Variants in LDB3 observed in about 807,000 individuals in gnomAD.
LDB3 encodes the protein LIM domain-binding protein 3.
A neutral mutation model predicts 69.0 loss-of-function variants in LDB3; 49 were observed. The observed-to-expected ratio is 0.71, with a 90% CI of 0.56 to 0.90. LDB3 has a LOEUF of 0.90. Among genes scored for constraint, LDB3 ranks in the 40% least tolerant of loss-of-function variants. LDB3 has a pLI of 0.00. For missense variants in LDB3, 928 were observed against 974.1 expected, an observed-to-expected ratio of 0.95 and a Z score of 0.63; for synonymous variants, 387 against 396.2, an observed-to-expected ratio of 0.98 and a Z score of 0.28.
chr10:86,712,014 C>T (rs1476155711), intron 9 of LDB3, among the ~76,000 whole-genome samples: 1 of 152,152 alleles, frequency 6.6e-6, no homozygotes, highest in Non-Finnish European at 1.5e-5. Flanking sequence ...TAGCAACAGC[C>T]CCGGGGCTGC....
rs149167391 is a variant in LDB3, at chr10:86,681,640, G to A, written c.526G>A (p.Gly176Arg). 2.4e-5 allele frequency: 39 copies of A among 1,613,234 alleles called. 1 individual carries two copies. In the South Asian group the frequency reaches 3.6e-4, roughly 15 times the overall value. ...CCTGAGGGCCAAGACCAGCCCAGAG[G>A]GGGCCCGGGACCTACTCGGCCCAAA... Reference protein sequence around the residue: ...ASLRAKTSPEGARDLLGPKAL... With the variant: ...ASLRAKTSPERARDLLGPKAL... Residue 176 changes from glycine (G) to arginine (R), a missense_variant, in exon 5 of 14, where the codon GGG becomes AGG. Coordinates refer to ENST00000361373, the MANE Select transcript of LDB3 (RefSeq NM_007078.3).
At chr10:86,707,263 A>G (rs1190376379) in intron 8 of LDB3, among the ~76,000 whole-genome samples, 2 of 152,114 alleles carry the variant, frequency 1.3e-5, no homozygotes, top group Non-Finnish European at 2.9e-5. Flanking sequence ...TGGGATTTAT[A>G]TCTGCTCCAC....
At chr10:86,693,529 T>A (rs182221188) in intron 7 of LDB3, among the ~76,000 whole-genome samples, 1 of 152,332 alleles carries the variant, frequency 6.6e-6, no homozygotes, top group Non-Finnish European at 1.5e-5. Context: ...CAGCTTAGAC[T>A]TGTGGATTTT....
At chr10:86,673,741 C>T (rs1448703787) in intron 2 of LDB3, among the ~76,000 whole-genome samples, 1 of 152,130 alleles carries the variant, frequency 6.6e-6, no homozygotes, top group South Asian at 2.1e-4. Context: ...GCTGCTGAAA[C>T]TTGTACCCTT....
upstream of LDB3, among the ~76,000 whole-genome samples, chr10:86,668,188 A>G (rs1844255042): frequency 6.6e-6 from 1 of 152,214 alleles, no homozygotes; most frequent in South Asian, 2.1e-4. Flanking sequence ...CACGGCAGCA[A>G]AGCCCCTACC....
At chr10:86,717,761 C>A (rs1316990015) in intron 10 of LDB3, among the ~76,000 whole-genome samples, 1 of 152,180 alleles carries the variant, frequency 6.6e-6, no homozygotes. Context: ...GTTTGAGTTG[C>A]TTCCTGATTT....
chr10:86,690,061 T>C (rs1181134948), intron 5 of LDB3, among the ~76,000 whole-genome samples: 1 of 152,182 alleles, frequency 6.6e-6, no homozygotes, highest in East Asian at 1.9e-4. Flanking sequence ...AGAAATGCTT[T>C]CTTGAACCCT....
chr10:86,683,740 C>T (rs1845289335), intron 5 of LDB3, among the ~76,000 whole-genome samples: 1 of 152,138 alleles, frequency 6.6e-6, no homozygotes, highest in South Asian at 2.1e-4. Flanking sequence ...CCTGGGCTGG[C>T]CTAGGGCAAC....
chr10:86,726,058 C>T (rs1027197913), intron 12 of LDB3, 79 bp from the exon 13 acceptor site: 2 of 923,260 alleles, frequency 2.2e-6, no homozygotes, highest in Non-Finnish European at 3.6e-6. Context: ...CTTCTGCCCA[C>T]TGATTTGGGG....
At chr10:86,726,041 C>A in intron 12 of LDB3, 96 bp from the exon 13 acceptor site, 1 of 772,538 alleles carries the variant, frequency 1.3e-6, no homozygotes, top group African/African-American at 1.7e-5. Flanking sequence ...TTAGATTTCA[C>A]CCCCTGCTTC....
chr10:86,721,372 A>G (rs367796482), intron 12 of LDB3, among the ~76,000 whole-genome samples: 15 of 152,374 alleles, frequency 9.8e-5, no homozygotes, highest in East Asian at 7.7e-4. Flanking sequence ...AGATTGAGCC[A>G]GAATGATAGG....
Position 86,699,660 on chromosome 10 carries a change from G to T in LDB3, c.897-6871G>T. ...CTGCCCTCTGCACAGGGCCTTAGCT[G>T]TAGACCAGAGAGGGCAGGAGGGGTT... On this transcript the variant is annotated intron_variant, in intron 7 of 13. Transcript: ENST00000361373. The surrounding 1 kb of genome is among the most constrained non-coding windows in gnomAD (Gnocchi z 4.9). 1 of 1,287,134 alleles carries T rather than the reference G, an allele frequency of 7.8e-7. No homozygotes were observed. The highest frequency in any genetic ancestry group is 3.3e-5 in the Admixed American group (1 of 30,346). The allele number at this position is 1,287,134 out of a possible 1,614,324, so 79.7% of individuals were successfully genotyped here.
At position 86,726,257 on chromosome 10, in the gene LDB3, G is replaced by A. The variant is rs1847251877; in HGVS notation, c.2094+5G>A. ...GACACCTGCTTCATTTGCGCAGTAT[G>A]TCTCTAGCTTGGGGCTCTGGCTTTC... On this transcript the variant is annotated splice_donor_5th_base_variant and intron_variant, in intron 13 of 13. Coordinates refer to ENST00000361373, the MANE Select transcript of LDB3 (RefSeq NM_007078.3). 3.7e-6 allele frequency: 6 copies of A among 1,612,188 alleles called. No individual in the cohort carries two copies. Among genetic ancestry groups the A allele is most frequent in the African/African-American group, 1.3e-5 (1 of 74,892 alleles).
At position 86,726,228 on chromosome 10, in the gene LDB3, G is replaced by A; in HGVS notation, c.2070G>A (p.Trp690Ter). 6.2e-7 allele frequency: 1 copy of A among 1,614,060 alleles called. No homozygotes were observed. The highest frequency in any genetic ancestry group is 8.5e-7 in the Non-Finnish European group (1 of 1,179,994). ...TTATCGAAGCCCTGGGCCACACTTG[G>A]CACGACACCTGCTTCATTTGCGCAG... ...DKFIEALGHTWHDTCFICAVC... is the reference protein window; with the variant it reads ...DKFIEALGHT The change falls in exon 13 of 14, where the codon TGG (tryptophan) becomes TGA (stop). Residue 690 changes from tryptophan to a stop codon, truncating the protein, a stop_gained. Coordinates refer to ENST00000361373, the MANE Select transcript of LDB3 (RefSeq NM_007078.3). LOFTEE classifies it high-confidence loss of function.
At chr10:86,669,335 A>G (rs1270022559) in intron 2 of LDB3, among the ~76,000 whole-genome samples, 1 of 152,188 alleles carries the variant, frequency 6.6e-6, no homozygotes, top group Non-Finnish European at 1.5e-5. Flanking sequence ...ACCCTGGCTC[A>G]TGGGGCTGGG....
chr10:86,679,341 AC>A (rs764279910), intron 2 of LDB3, 25 bp from the exon 3 acceptor site: 1 of 1,613,208 alleles, frequency 6.2e-7, no homozygotes, highest in African/African-American at 1.3e-5. Context: ...CCTTATGCTC[AC>A]CCCCCACCTC....
intron 12 of LDB3, 56 bp downstream of exon 12, chr10:86,718,903 G>A: frequency 6.2e-7 from 1 of 1,610,334 alleles, no homozygotes; most frequent in Non-Finnish European, 8.5e-7. Flanking sequence ...GAAAGGGGCA[G>A]GCACAGGGAA....
chr10:86,733,080 A>C lies in LDB3; in HGVS notation c.*104A>C. ...TCTTCTGAGGGGAATGGGGAGAGAG[A>C]GGAAGCGACTGAGCCCTTTGGAAGT... is the stretch of plus-strand genomic sequence containing the variant. On this transcript the variant is annotated 3_prime_UTR_variant, in exon 14 of 14. Coordinates refer to ENST00000361373, the MANE Select transcript of LDB3 (RefSeq NM_007078.3). 1.2e-6 allele frequency: 1 copy of C among 806,348 alleles called. No homozygotes were observed. The highest frequency in any genetic ancestry group is 1.4e-5 in the South Asian group (1 of 69,196). The allele number at this position is 806,348 out of a possible 1,614,324, so 49.9% of individuals were successfully genotyped here.
intron 9 of LDB3, among the ~76,000 whole-genome samples, chr10:86,711,658 C>T (rs1053939198): frequency 1.9e-4 from 29 of 151,882 alleles, no homozygotes; most frequent in African/African-American, 7.0e-4. Flanking sequence ...GCCGCAGCTC[C>T]CCCCGGGGCC....
Sources: allele counts gnomAD v4.1 joint callset (sites outside exome capture counted in the v4.1 genomes callset), GRCh38; gene constraint gnomAD v4.1.1; non-coding constraint Gnocchi (gnomAD v3.1); transcripts MANE v1.5; gene names NCBI Gene and HGNC (gene_info 2026-07-23, HGNC 2026-07-21).